Variants in NCBP3 observed in about 807,000 individuals in gnomAD.
NCBP3 encodes the protein nuclear cap-binding protein subunit 3.
Under a neutral mutation model 75.7 loss-of-function variants are expected in NCBP3, and 20 were observed. The ratio of observed to expected loss-of-function variants is 0.26; its 90% CI spans 0.19 to 0.38. The LOEUF (loss-of-function observed/expected upper bound fraction) is 0.38. NCBP3 is among the 10% of genes least tolerant of loss of function. NCBP3 has a pLI of 1.00. For missense variants in NCBP3, 678 were observed against 796.9 expected (o/e 0.85, Z 1.80); for synonymous variants, 293 against 290.5 (o/e 1.01, Z -0.09).
At chr17:3,845,772 G>A (rs372179548) in intron 1 of NCBP3, among the ~76,000 whole-genome samples, 34 of 152,138 alleles carry the variant, frequency 2.2e-4, no homozygotes, top group East Asian at 2.1e-3. Flanking sequence ...GCTCAGAGGG[G>A]GCAGCGGAGG....
intron 5 of NCBP3, 65 bp from the exon 6 acceptor site, chr17:3,825,908 T>C: frequency 7.0e-7 from 1 of 1,426,760 alleles, no homozygotes; most frequent in South Asian, 1.2e-5. Context: ...AGATACAAGA[T>C]GAACTATCTC....
Position 3,812,687 on chromosome 17 carries a change from G to T in NCBP3, c.*357C>A, listed in dbSNP as rs1597390680. ...GGCCAAGGCAATAGTGAGAAGTTCAGTTCTCTGCTCTTTGGATGAACTGTG... is the reference window on the plus strand; with the variant it reads ...GGCCAAGGCAATAGTGAGAAGTTCATTTCTCTGCTCTTTGGATGAACTGTG... On this transcript the variant is annotated 3_prime_UTR_variant, in exon 13 of 13. Coordinates refer to ENST00000389005, the MANE Select transcript of NCBP3 (RefSeq NM_001114118.3). 2.8e-6 allele frequency: 3 copies of T among 1,071,670 alleles called. No homozygotes were observed. Among genetic ancestry groups the T allele is most frequent in the Non-Finnish European group, 3.4e-6 (3 of 881,612 alleles). 66.4% of individuals were successfully genotyped at this position (1,071,670 alleles called of 1,614,324 possible). A position where few individuals can be genotyped will look rare whatever the true frequency, so the allele number is the denominator to read the frequency against.
Position 3,804,373 on chromosome 17 carries a change from CCT to C in NCBP3, c.*8669_*8670del, listed in dbSNP as rs1417418079. The C allele has an allele frequency of 6.6e-6, 1 of 151,582 alleles. No individual in the cohort carries two copies. Among genetic ancestry groups the C allele is most frequent in the Non-Finnish European group, 1.5e-5 (1 of 67,944 alleles). 9.4% of individuals were successfully genotyped at this position (151,582 alleles called of 1,614,324 possible). A position where few individuals can be genotyped will look rare whatever the true frequency, so the allele number is the denominator to read the frequency against. Reference sequence around the variant, plus strand: ...ACCAGCCTGGGCAACATGGTGAAACCCTGTCTTTACTAAAAACACAAAAAATT... The same window carrying C: ...ACCAGCCTGGGCAACATGGTGAAACCGTCTTTACTAAAAACACAAAAAATT... On this transcript the variant is annotated 3_prime_UTR_variant, in exon 13 of 13. Transcript: ENST00000389005.
chr17:3,812,437 A>G lies in NCBP3; in HGVS notation c.*607T>C, dbSNP rs2053434299. On this transcript the variant is annotated 3_prime_UTR_variant, in exon 13 of 13. Transcript: ENST00000389005. ...TGACAGCACGTAAGAGGCCCATGCC[A>G]TGAGCAATCCCCGAGGGAAGAACGG... The G allele has an allele frequency of 4.9e-5, 43 of 884,332 alleles. No individual in the cohort carries two copies. The highest frequency in any genetic ancestry group is 5.7e-5 in the Non-Finnish European group (42 of 737,164). 54.8% of individuals were successfully genotyped at this position (884,332 alleles called of 1,614,324 possible).
At chr17:3,834,524 C>T (rs1268498769) in intron 3 of NCBP3, among the ~76,000 whole-genome samples, 1 of 152,134 alleles carries the variant, frequency 6.6e-6, no homozygotes, top group Non-Finnish European at 1.5e-5. Flanking sequence ...GCCTGTAATC[C>T]CAACACTTTG....
At chr17:3,841,042 T>C (rs1221749652) in intron 2 of NCBP3, among the ~76,000 whole-genome samples, 1 of 152,134 alleles carries the variant, frequency 6.6e-6, no homozygotes, top group Non-Finnish European at 1.5e-5. Flanking sequence ...GCTGCCACGA[T>C]CTCAGCTCAC....
intron 7 of NCBP3, 42 bp downstream of exon 7, chr17:3,824,900 T>C (rs1196325353): frequency 8.7e-7 from 1 of 1,154,914 alleles, no homozygotes; most frequent in Non-Finnish European, 1.2e-6. Context: ...TAATAAATCA[T>C]TTTGATTGAA....
At chr17:3,829,924 G>A (rs928687725) in intron 3 of NCBP3, among the ~76,000 whole-genome samples, 3 of 152,100 alleles carry the variant, frequency 2.0e-5, no homozygotes, top group Admixed American at 6.6e-5. Context: ...AAATATATGA[G>A]GAGATGGGTT....
chr17:3,828,747 G>A (rs1341115251), intron 4 of NCBP3, among the ~76,000 whole-genome samples: 5 of 152,106 alleles, frequency 3.3e-5, no homozygotes, highest in Admixed American at 3.3e-4. Flanking sequence ...GAGAAGTCTA[G>A]TAGAGTGTTT....
chr17:3,837,012 G>A (rs549307080), intron 3 of NCBP3, among the ~76,000 whole-genome samples: 3 of 151,780 alleles, frequency 2.0e-5, no homozygotes, highest in South Asian at 4.2e-4. Context: ...GTTGGGCATG[G>A]TGGTGTGCGT....
At chr17:3,826,269 T>C in intron 4 of NCBP3, 54 bp from the exon 5 acceptor site, 2 of 1,480,822 alleles carry the variant, frequency 1.4e-6, no homozygotes, top group East Asian at 2.5e-5. Flanking sequence ...GTAAGCTTCT[T>C]GAGAGCAGAT....
At chr17:3,826,266 T>C in intron 4 of NCBP3, 51 bp from the exon 5 acceptor site, 2 of 1,486,716 alleles carry the variant, frequency 1.3e-6, no homozygotes, top group African/African-American at 1.4e-5. Context: ...ATGGTAAGCT[T>C]CTTGAGAGCA....
At chr17:3,825,083 T>A (rs1034814075) in intron 6 of NCBP3, 33 bp from the exon 7 acceptor site, 3 of 1,235,446 alleles carry the variant, frequency 2.4e-6, no homozygotes, top group African/African-American at 3.1e-5. Flanking sequence ...AATATAAAAA[T>A]TAAAGTCCTT....
At chr17:3,821,445 T>TG in intron 8 of NCBP3, 93 bp from the exon 9 acceptor site, 1 of 990,852 alleles carries the variant, frequency 1.0e-6, no homozygotes, top group East Asian at 2.6e-5. Flanking sequence ...TTTTTTGTGA[T>TG]GGAGTCTCAA....
At chr17:3,839,204 CA>C (rs977838485) in intron 3 of NCBP3, among the ~76,000 whole-genome samples, 1 of 152,018 alleles carries the variant, frequency 6.6e-6, no homozygotes, top group South Asian at 2.1e-4. Flanking sequence ...CAAAATACCC[CA>C]AAAAAACACA....
chr17:3,843,330 C>T (rs1158354489), intron 1 of NCBP3, among the ~76,000 whole-genome samples, 179 bp from the exon 2 acceptor site: 4 of 151,288 alleles, frequency 2.6e-5, no homozygotes, highest in Admixed American at 6.6e-5. Flanking sequence ...ACCGCAGCCT[C>T]GACTCCCCAG....
intron 4 of NCBP3, among the ~76,000 whole-genome samples, chr17:3,828,095 T>G (rs969604397): frequency 6.6e-6 from 1 of 152,166 alleles, no homozygotes; most frequent in African/African-American, 2.4e-5. Context: ...ATTTTTGTAT[T>G]TTTAGTAGAG....
chr17:3,830,615 G>A (rs138079548), intron 3 of NCBP3, among the ~76,000 whole-genome samples: 3,917 of 152,266 alleles, frequency 0.026, 75 homozygotes, highest in African/African-American at 0.054. Context: ...TTGAGATGGA[G>A]TCTCGCTCTG....
rs1597388417 is a variant in NCBP3, at chr17:3,809,185, AAAT to A, written c.*3856_*3858del. 6.6e-6 allele frequency: 1 copy of A among 152,186 alleles called. No individual in the cohort carries two copies. The highest frequency in any genetic ancestry group is 2.4e-5 in the African/African-American group (1 of 41,426). 9.4% of individuals were successfully genotyped at this position (152,186 alleles called of 1,614,324 possible). On this transcript the variant is annotated 3_prime_UTR_variant, in exon 13 of 13. Transcript: ENST00000389005. Reference sequence around the variant, plus strand: ...CAATGAGATACCACTTCACACCAGAAAATAATGAGTGTTGGTGGAGATGTGGAG... The same window carrying A: ...CAATGAGATACCACTTCACACCAGAAAATGAGTGTTGGTGGAGATGTGGAG...
Sources: gnomAD v4.1 joint callset for allele counts (sites outside exome capture counted in the v4.1 genomes callset) on GRCh38, gnomAD v4.1.1 for gene constraint, MANE v1.5 for transcripts, NCBI Gene and HGNC (gene_info 2026-07-23, HGNC 2026-07-21) for gene names.